The following RGS8 variants were observed in gnomAD, a reference collection of about 807,000 sequenced individuals.
The protein encoded by RGS8 is regulator of G protein signaling 8, also known as regulator of G-protein signaling 8.
A neutral mutation model predicts 21.7 loss-of-function variants in RGS8; 8 were observed. That is an observed-to-expected ratio of 0.37 (90% CI 0.22 to 0.66). The LOEUF is 0.66. Ranked by LOEUF, RGS8 falls within the 30% of genes least tolerant of loss-of-function variation. RGS8 has a pLI of 0.59. For synonymous variants in RGS8, 80 were observed against 83.6 expected (o/e 0.96, Z 0.24); for missense variants, 157 against 217.9 (o/e 0.72, Z 1.76).
At chr1:182,663,133 G>A (rs1663682530) in intron 5 of RGS8, among the ~76,000 whole-genome samples, 1 of 152,122 alleles carries the variant, frequency 6.6e-6, no homozygotes, top group Non-Finnish European at 1.5e-5. Flanking sequence ...TTAATTGCAA[G>A]CTCCACAAAC....
At chr1:182,661,830 A>G (rs1663606295) in intron 5 of RGS8, among the ~76,000 whole-genome samples, 1 of 151,908 alleles carries the variant, frequency 6.6e-6, no homozygotes, top group Admixed American at 6.6e-5. Flanking sequence ...ACACACACAC[A>G]CACACACACA....
At chr1:182,672,007 T>A, upstream of RGS8, 1 of 1,058,804 alleles carries the variant, frequency 9.4e-7, no homozygotes, top group Non-Finnish European at 1.3e-6. Flanking sequence ...ATGCAGAAGG[T>A]GCCCCTGAGC....
At chr1:182,666,350 A>G (rs1311512748) in intron 4 of RGS8, among the ~76,000 whole-genome samples, 1 of 152,248 alleles carries the variant, frequency 6.6e-6, no homozygotes, top group African/African-American at 2.4e-5. Flanking sequence ...TTAGAGCCAG[A>G]AAAGTTAGAC....
upstream of RGS8, among the ~76,000 whole-genome samples, chr1:182,686,884 G>A (rs1664724387): frequency 6.6e-6 from 1 of 152,160 alleles, no homozygotes; most frequent in Non-Finnish European, 1.5e-5. Flanking sequence ...GCCAACCAAA[G>A]ATACTGAGAA....
the RGS8 span, among the ~76,000 whole-genome samples, chr1:182,705,547 A>ATATAGAGAGTTGCCAGTTCCTTC: frequency 2.6e-5 from 4 of 151,192 alleles, no homozygotes; most frequent in Admixed American, 6.6e-5. Context: ...TTTTATAGCT[A>ATATAGAGAGTTGCCAGTTCCTTC]CTTTATCTAG....
At chr1:182,675,223 C>T (rs537666394), upstream of RGS8, among the ~76,000 whole-genome samples, 60 of 152,308 alleles carry the variant, frequency 3.9e-4, no homozygotes, top group African/African-American at 1.4e-3. Context: ...TAACCCTAAC[C>T]CCAACAAGTA....
chr1:182,667,031 T>C, intron 3 of RGS8, 58 bp from the exon 5 acceptor site: 1 of 1,389,046 alleles, frequency 7.2e-7, no homozygotes, highest in Non-Finnish European at 1.0e-6. Flanking sequence ...AGCTGTCAGC[T>C]CTATACAGGG....
exon 6 of RGS8, chr1:182,648,145 G>A: frequency 6.2e-7 from 1 of 1,607,700 alleles, no homozygotes. Context: ...ACCTCCCGTG[G>A]AGCCTGCACA....
chr1:182,708,917 G>A, the RGS8 span, among the ~76,000 whole-genome samples: 4 of 152,192 alleles, frequency 2.6e-5, no homozygotes, highest in African/African-American at 7.2e-5. Context: ...CTGGGCAGGC[G>A]GAAGCTTGGG....
intron 6 of RGS8, 23 bp downstream of exon 7, chr1:182,648,114 G>C (rs1486359176): frequency 5.1e-6 from 8 of 1,580,230 alleles, no homozygotes; most frequent in Non-Finnish European, 6.9e-6. Context: ...GGATAGACAG[G>C]ATGGTCGCCG....
the RGS8 span, among the ~76,000 whole-genome samples, chr1:182,712,492 A>G: frequency 2.0e-5 from 3 of 152,204 alleles, no homozygotes; most frequent in African/African-American, 7.2e-5. Flanking sequence ...ATGTGCTCAC[A>G]TGTCACCCAC....
At chr1:182,650,369 T>A (rs1193220336) in intron 5 of RGS8, among the ~76,000 whole-genome samples, 1 of 152,266 alleles carries the variant, frequency 6.6e-6, no homozygotes, top group Non-Finnish European at 1.5e-5. Flanking sequence ...TTTTCATTTC[T>A]CTGAATAAAA....
the RGS8 span, among the ~76,000 whole-genome samples, chr1:182,729,907 T>A: frequency 6.6e-6 from 1 of 152,162 alleles, no homozygotes; most frequent in African/African-American, 2.4e-5. Flanking sequence ...AGGGCACATA[T>A]GCAAAGGAGA....
At chr1:182,657,920 G>A (rs1194723580) in intron 5 of RGS8, among the ~76,000 whole-genome samples, 2 of 152,238 alleles carry the variant, frequency 1.3e-5, no homozygotes, top group South Asian at 2.1e-4. Flanking sequence ...AAGGCAAGGA[G>A]GTGGTGAACA....
the RGS8 span, among the ~76,000 whole-genome samples, chr1:182,721,040 CATATACATACATATAT>C: frequency 1.9e-4 from 14 of 72,862 alleles, 2 homozygotes; most frequent in Admixed American, 6.0e-4. Context: ...TGTATATATA[CATATACATACATATAT>C]ATGTGTGTAT....
At chr1:182,696,386 CT>C in the RGS8 span, among the ~76,000 whole-genome samples, 1 of 152,054 alleles carries the variant, frequency 6.6e-6, no homozygotes, top group Non-Finnish European at 1.5e-5. Flanking sequence ...TATTGTATGT[CT>C]GGCTCTGTCA....
At chr1:182,696,964 G>A in the RGS8 span, among the ~76,000 whole-genome samples, 1 of 152,188 alleles carries the variant, frequency 6.6e-6, no homozygotes, top group East Asian at 1.9e-4. Flanking sequence ...TGGGCCACAT[G>A]TTTCTTATCA....
At chr1:182,710,506 G>A in the RGS8 span, among the ~76,000 whole-genome samples, 2 of 152,116 alleles carry the variant, frequency 1.3e-5, no homozygotes, top group Admixed American at 1.3e-4. Flanking sequence ...AACCTCATCT[G>A]TCCAGGGTCA....
At chr1:182,738,091 A>T in the RGS8 span, among the ~76,000 whole-genome samples, 1 of 152,262 alleles carries the variant, frequency 6.6e-6, no homozygotes, top group Non-Finnish European at 1.5e-5. Context: ...AGTAACAAAT[A>T]ACTAACAGTT....
Sources: gnomAD v4.1 joint callset for allele counts (sites outside exome capture counted in the v4.1 genomes callset) on GRCh38, gnomAD v4.1.1 for gene constraint, MANE v1.5 for transcripts, NCBI Gene and HGNC (gene_info 2026-07-23, HGNC 2026-07-21) for gene names.